SH3D19: variants seen among roughly 807,000 people sequenced by gnomAD.
SH3D19 encodes SH3 domain containing 19, also known as SH3 domain-containing protein 19.
In SH3D19, 58 loss-of-function variants were observed where a neutral mutation model predicts 112.1. The ratio of observed to expected loss-of-function variants is 0.52; its 90% CI spans 0.42 to 0.64. The LOEUF (loss-of-function observed/expected upper bound fraction) is 0.64. Ranked by LOEUF, SH3D19 falls within the 30% of genes least tolerant of loss-of-function variation. The pLI is 0.00. For synonymous variants in SH3D19, 391 were observed against 448.5 expected (o/e 0.87, Z 1.62); for missense variants, 1,090 against 1,263.4 (o/e 0.86, Z 2.08).
intron 3 of SH3D19, among the ~76,000 whole-genome samples, chr4:151,187,157 A>C (rs1470228114): frequency 6.6e-6 from 1 of 152,044 alleles, no homozygotes; most frequent in Non-Finnish European, 1.5e-5. Flanking sequence ...AAAAAAAAAC[A>C]AACAGCTTTA....
intron 1 of SH3D19, chr4:151,282,450 C>G: frequency 6.2e-7 from 1 of 1,607,080 alleles, no homozygotes; most frequent in Middle Eastern, 1.7e-4. Flanking sequence ...TTTCATATGT[C>G]ATCCTCTTGT....
rs1378855145 is a variant in SH3D19 at position 151,267,157 on chromosome 4, TAA to T, written c.113-41073_113-41072del. Among the ~76,000 whole-genome samples, 5 of 57,362 alleles carry T rather than the reference TAA, an allele frequency of 8.7e-5. No homozygotes were observed. In the East Asian group the frequency reaches 1.0e-3, roughly 12 times the overall value. The allele number at this position is 57,362 out of a possible 152,430, so 37.6% of individuals were successfully genotyped here. On this transcript the variant is annotated intron_variant, in intron 1 of 19. Transcript: ENST00000604030. Reference sequence around the variant, plus strand: ...AACATGGTGAGACTCAGTCTCTCTCTAAAAAAAAAAAAAAATAAATAAAATAA... The same window carrying T: ...AACATGGTGAGACTCAGTCTCTCTCTAAAAAAAAAAAAATAAATAAAATAA...
chr4:151,300,520 G>T (rs1161470933), intron 1 of SH3D19: 1 of 150,952 alleles, frequency 6.6e-6, no homozygotes, highest in African/African-American at 2.4e-5. Flanking sequence ...ATGGCCATGT[G>T]CTCACGTCAG....
At chr4:151,140,386 C>T (rs1561215786) in intron 12 of SH3D19, 1 of 152,372 alleles carries the variant, frequency 6.6e-6, no homozygotes, top group African/African-American at 2.4e-5. Context: ...TAACTAAGTG[C>T]TTTTTCTAAT....
At chr4:151,187,116 T>A (rs1206753847) in intron 3 of SH3D19, among the ~76,000 whole-genome samples, 1 of 150,428 alleles carries the variant, frequency 6.6e-6, no homozygotes, top group African/African-American at 2.4e-5. Flanking sequence ...TTATATTAGA[T>A]CACAGAAACT....
At chr4:151,307,817 G>T (rs1729067630) in intron 1 of SH3D19, among the ~76,000 whole-genome samples, 2 of 152,240 alleles carry the variant, frequency 1.3e-5, no homozygotes, top group Admixed American at 1.3e-4. Flanking sequence ...GCAGAAGAGG[G>T]ATTTGCCTTC....
intron 8 of SH3D19, among the ~76,000 whole-genome samples, chr4:151,163,028 G>A (rs1220882797): frequency 6.6e-6 from 1 of 152,168 alleles, no homozygotes; most frequent in African/African-American, 2.4e-5. Flanking sequence ...ATTTCTAGGA[G>A]TGCCTACCTG....
rs528254340 is a variant in SH3D19, at chr4:151,189,812, T to C, written c.153-2349A>G. ...GTGAAAACAGGCTAATACAGTAAAT[T>C]GGTACTAGTAGAGTGGGTGCTGCTG... On this transcript the variant is annotated intron_variant, in intron 2 of 19. Coordinates refer to ENST00000604030, the MANE Select transcript of SH3D19 (RefSeq NM_001378122.1). 2.6e-5 allele frequency among the ~76,000 whole-genome samples: 4 copies of C among 152,184 alleles called. No individual in the cohort carries two copies. In the South Asian group the frequency reaches 8.3e-4, roughly 32 times the overall value.
chr4:151,239,848 T>TA (rs1334454124), intron 1 of SH3D19, among the ~76,000 whole-genome samples: 1 of 152,086 alleles, frequency 6.6e-6, no homozygotes, highest in East Asian at 1.9e-4. Flanking sequence ...ATAGAGGGGG[T>TA]AACATGTTCA....
chr4:151,262,276 C>T (rs1395696336), intron 1 of SH3D19: 2 of 152,184 alleles, frequency 1.3e-5, no homozygotes, highest in African/African-American at 4.8e-5. Context: ...CCAGAAGTCA[C>T]TTTTTAATTA....
intron 1 of SH3D19, chr4:151,283,053 A>G (rs1384895071): frequency 6.7e-7 from 1 of 1,494,438 alleles, no homozygotes; most frequent in Non-Finnish European, 9.3e-7. Flanking sequence ...GCACATCATG[A>G]CTGAATGCTG....
intron 1 of SH3D19, among the ~76,000 whole-genome samples, chr4:151,306,889 T>C (rs1410259774): frequency 2.0e-5 from 3 of 152,206 alleles, no homozygotes; most frequent in Non-Finnish European, 4.4e-5. Flanking sequence ...CTGCATCCCA[T>C]GTCACTAACT....
At chr4:151,302,924 G>GT (rs1561446454) in intron 1 of SH3D19, among the ~76,000 whole-genome samples, 39 of 152,186 alleles carry the variant, frequency 2.6e-4, no homozygotes, top group African/African-American at 8.7e-4. Flanking sequence ...TGTAAATGAC[G>GT]AGTTAATGGG....
chr4:151,217,190 C>A (rs17633537), intron 2 of SH3D19, among the ~76,000 whole-genome samples: 12,877 of 151,934 alleles, frequency 0.085, 768 homozygotes, highest in East Asian at 0.19. Flanking sequence ...TTAAACTAAC[C>A]CCAGCAGAGC....
intron 2 of SH3D19, among the ~76,000 whole-genome samples, chr4:151,190,336 T>G (rs1036918446): frequency 2.0e-5 from 3 of 152,194 alleles, no homozygotes; most frequent in African/African-American, 7.2e-5. Context: ...CTGCAGAAAC[T>G]TGCATAAGTA....
intron 1 of SH3D19, chr4:151,277,127 T>A (rs759173386): frequency 1.2e-5 from 16 of 1,341,168 alleles, no homozygotes; most frequent in Non-Finnish European, 1.5e-5. Flanking sequence ...CCTGGGAGCC[T>A]GAGTCCAGGA....
chr4:151,229,306 A>C (rs1232785380), intron 1 of SH3D19, among the ~76,000 whole-genome samples: 1 of 152,226 alleles, frequency 6.6e-6, no homozygotes, highest in Non-Finnish European at 1.5e-5. Context: ...TGAAAAAAAG[A>C]GTTATTAAAA....
intron 1 of SH3D19, chr4:151,282,420 A>G: frequency 1.2e-6 from 2 of 1,613,412 alleles, no homozygotes; most frequent in Non-Finnish European, 1.7e-6. Context: ...TCAGGTGAGA[A>G]TGGGCAGAGA....
intron 1 of SH3D19, among the ~76,000 whole-genome samples, chr4:151,273,656 A>G (rs1346021282): frequency 1.3e-5 from 2 of 149,892 alleles, no homozygotes; most frequent in Admixed American, 1.3e-4. Context: ...CCTCAGAGGG[A>G]AAGGACTCTC....
Sources: gnomAD v4.1 joint callset for allele counts (sites outside exome capture counted in the v4.1 genomes callset) on GRCh38, gnomAD v4.1.1 for gene constraint, MANE v1.5 for transcripts, NCBI Gene and HGNC (gene_info 2026-07-23, HGNC 2026-07-21) for gene names.